SNRPD1: variants seen among roughly 807,000 people sequenced by gnomAD.
SNRPD1 encodes small nuclear ribonucleoprotein D1 polypeptide.
Under a neutral mutation model 14.4 loss-of-function variants are expected in SNRPD1, and 1 was observed. That is an observed-to-expected ratio of 0.07 (90% confidence interval 0.02 to 0.33). The LOEUF is 0.33. Among genes scored for constraint, SNRPD1 ranks in the 10% least tolerant of loss-of-function variants. SNRPD1 has a pLI of 1.00. For missense variants in SNRPD1, 52 were observed against 146.4 expected (o/e 0.36, Z 3.33); for synonymous variants, 42 against 50.3 (o/e 0.83, Z 0.70).
chr18:21,618,819 A>C (rs1469408388), intron 1 of SNRPD1, among the ~76,000 whole-genome samples: 1 of 152,228 alleles, frequency 6.6e-6, no homozygotes, highest in Non-Finnish European at 1.5e-5. Context: ...AGAAATTAAA[A>C]AAAGGCATTT....
At chr18:21,624,364 GCC>G in intron 3 of SNRPD1, among the ~76,000 whole-genome samples, 2 of 147,692 alleles carry the variant, frequency 1.4e-5, no homozygotes, top group South Asian at 2.2e-4. Context: ...GGGTGACAGA[GCC>G]ACTGTCTCAA....
In SNRPD1 at chr18:21,623,127, C is replaced by T. The variant is rs922951593; in HGVS notation, c.91+326C>T. On this transcript the variant is annotated intron_variant, in intron 2 of 3. Coordinates refer to ENST00000300413, the MANE Select transcript of SNRPD1 (RefSeq NM_006938.4). ...TTTAGACGGATTCTCACTCTGTTAC[C>T]CAGGCTGGAGTGCAGTGGCACAATC... Among the ~76,000 whole-genome samples the T allele has an allele frequency of 7.9e-5, 12 of 151,950 alleles. No homozygotes were observed. The East Asian group carries it at 2.1e-3, about 27-fold the overall frequency.
At chr18:21,614,012 C>T (rs914386224) in intron 1 of SNRPD1, among the ~76,000 whole-genome samples, 1 of 152,024 alleles carries the variant, frequency 6.6e-6, no homozygotes, top group Non-Finnish European at 1.5e-5. Flanking sequence ...GTGGCTCACG[C>T]CTGTAATCCC....
intron 3 of SNRPD1, among the ~76,000 whole-genome samples, chr18:21,627,434 GTTTT>G (rs71178190): frequency 1.6e-4 from 16 of 97,368 alleles, no homozygotes; most frequent in African/African-American, 5.9e-4. Context: ...CTTTTCTTGG[GTTTT>G]TTTTTTTTTT....
chr18:21,627,459 A>C, intron 3 of SNRPD1, among the ~76,000 whole-genome samples: 1 of 68,506 alleles, frequency 1.5e-5, no homozygotes, highest in African/African-American at 6.6e-5. Flanking sequence ...TTTTTTTTTG[A>C]GACAGAGTCA....
chr18:21,627,322 C>A (rs1188533893), intron 3 of SNRPD1, among the ~76,000 whole-genome samples: 2 of 151,828 alleles, frequency 1.3e-5, no homozygotes, highest in Non-Finnish European at 2.9e-5. Flanking sequence ...CCTATGTTGT[C>A]CAGGATAGTC....
Position 21,629,302 on chromosome 18 carries a change from G to GAGTT in SNRPD1, c.*166_*167insTTAG, listed in dbSNP as rs1042262496. On this transcript the variant is annotated 3_prime_UTR_variant, in exon 4 of 4. Transcript: ENST00000300413. Reference sequence around the variant, plus strand: ...CACATTCACGAAATTACCACAGTGAGAGCTAAGCATTTCTACTGGGCAGTT... The same window carrying GAGTT: ...CACATTCACGAAATTACCACAGTGAGAGTTAGCTAAGCATTTCTACTGGGCAGTT... The GAGTT allele has an allele frequency of 1.7e-6, 1 of 576,328 alleles. No individual in the cohort carries two copies. Among genetic ancestry groups the GAGTT allele is most frequent in the Non-Finnish European group, 3.1e-6 (1 of 319,392 alleles). The allele number at this position is 576,328 out of a possible 1,614,324, so 35.7% of individuals were successfully genotyped here. A position where few individuals can be genotyped will look rare whatever the true frequency, so the allele number is the denominator to read the frequency against.
At chr18:21,614,809 T>C (rs952910739) in intron 1 of SNRPD1, among the ~76,000 whole-genome samples, 7 of 152,192 alleles carry the variant, frequency 4.6e-5, no homozygotes, top group African/African-American at 1.7e-4. Context: ...ATTCAGACAG[T>C]GAAAGATTCA....
intron 3 of SNRPD1, among the ~76,000 whole-genome samples, chr18:21,625,316 A>AATTTTTTTTT (rs771340999): frequency 1.8e-5 from 2 of 109,098 alleles, no homozygotes; most frequent in African/African-American, 1.0e-4. Context: ...GTTGAAAAAA[A>AATTTTTTTTT]TTTTTTTTTT....
rs1385231329 is a variant in SNRPD1 at position 21,633,371 on chromosome 18, T to C, written c.*4233T>C. 1 of 152,146 alleles carries C rather than the reference T, an allele frequency of 6.6e-6. No homozygotes were observed. Among genetic ancestry groups the C allele is most frequent in the South Asian group, 2.1e-4 (1 of 4,828 alleles). The allele number at this position is 152,146 out of a possible 1,614,324, so 9.4% of individuals were successfully genotyped here. ...ACATACAGTTCTTGTTCCTGAAGAC[T>C]TAACCTAGAAAATAACTCCATAACA... On this transcript the variant is annotated 3_prime_UTR_variant, in exon 4 of 4. Coordinates refer to ENST00000300413, the MANE Select transcript of SNRPD1 (RefSeq NM_006938.4).
In SNRPD1 at chr18:21,632,821, G is replaced by GTT; in HGVS notation, c.*3690_*3691dup. 1 of 151,256 alleles carries GTT rather than the reference G, an allele frequency of 6.6e-6. No homozygotes were observed. The highest frequency in any genetic ancestry group is 1.4e-5 in the Non-Finnish European group (1 of 69,602). 9.4% of individuals were successfully genotyped at this position (151,256 alleles called of 1,614,324 possible). ...AATGAGATGTTACATATGAACTTTA[G>GTT]TTTTTTTTCTTTTCTTTTCTTTTCT... On this transcript the variant is annotated 3_prime_UTR_variant, in exon 4 of 4. Coordinates refer to ENST00000300413, the MANE Select transcript of SNRPD1 (RefSeq NM_006938.4).
rs1181169982 is a variant in SNRPD1 at position 21,629,994 on chromosome 18, C to G, written c.*856C>G. The stretch of plus-strand genomic sequence containing the variant: ...TAGGTACCTGGTAAAAAGTTGTCTT[C>G]TAAATTAAGGGTCATTGCTTTGTTG... On this transcript the variant is annotated 3_prime_UTR_variant, in exon 4 of 4. Coordinates refer to ENST00000300413, the MANE Select transcript of SNRPD1 (RefSeq NM_006938.4). 5.9e-5 allele frequency: 9 copies of G among 152,120 alleles called. No individual in the cohort carries two copies. The highest frequency in any genetic ancestry group is 1.0e-4 in the Non-Finnish European group (7 of 68,032). 9.4% of individuals were successfully genotyped at this position (152,120 alleles called of 1,614,324 possible). A position where few individuals can be genotyped will look rare whatever the true frequency, so the allele number is the denominator to read the frequency against.
At chr18:21,617,837 G>A (rs963243136) in intron 1 of SNRPD1, among the ~76,000 whole-genome samples, 1 of 152,026 alleles carries the variant, frequency 6.6e-6, no homozygotes, top group African/African-American at 2.4e-5. Context: ...AAATTAGCTG[G>A]GTGTGGTGGC....
chr18:21,620,876 T>G (rs1426026058), intron 1 of SNRPD1, among the ~76,000 whole-genome samples: 1 of 152,062 alleles, frequency 6.6e-6, no homozygotes, highest in African/African-American at 2.4e-5. Flanking sequence ...AATGAAAAGA[T>G]ATTCAGGCAG....
rs536818999 is a variant in SNRPD1, at chr18:21,625,471, C to T, written c.283+1532C>T. Among the ~76,000 whole-genome samples the T allele has an allele frequency of 1.4e-3, 208 of 151,884 alleles. 1 individual carries two copies. The highest frequency in any genetic ancestry group is 3.7e-4 in the Non-Finnish European group (25 of 67,976). Reference sequence around the variant, plus strand: ...AGCTGGGATTATAGGTGTGTGCCACCACACCCAGCTAATTTTGTATTTTTA... The same window carrying T: ...AGCTGGGATTATAGGTGTGTGCCACTACACCCAGCTAATTTTGTATTTTTA... On this transcript the variant is annotated intron_variant, in intron 3 of 3. Transcript: ENST00000300413.
intron 1 of SNRPD1, among the ~76,000 whole-genome samples, chr18:21,615,792 T>C (rs1026059249): frequency 1.3e-5 from 2 of 152,202 alleles, no homozygotes; most frequent in Non-Finnish European, 2.9e-5. Context: ...AACATAGTTA[T>C]GTGTTTAGCT....
chr18:21,619,437 C>G lies in SNRPD1; in HGVS notation c.15-3288C>G, dbSNP rs1195595384. Among the ~76,000 whole-genome samples the G allele has an allele frequency of 2.6e-5, 4 of 151,964 alleles. No individual in the cohort carries two copies. The East Asian group carries it at 7.8e-4, about 30-fold the overall frequency. On this transcript the variant is annotated intron_variant, in intron 1 of 3. Transcript: ENST00000300413. ...CCTCAGGTGATCCGCCTGCCTCGCC[C>G]TCCCAAAGTGCTGGGATTACAGGGA... is the stretch of plus-strand genomic sequence containing the variant.
chr18:21,619,380 C>G (rs2038980791), intron 1 of SNRPD1, among the ~76,000 whole-genome samples: 2 of 151,948 alleles, frequency 1.3e-5, no homozygotes, highest in Admixed American at 6.6e-5. Flanking sequence ...CGGGGTTTCG[C>G]CATGTTGGCC....
At chr18:21,619,424 C>T (rs1007907058) in intron 1 of SNRPD1, among the ~76,000 whole-genome samples, 4 of 151,326 alleles carry the variant, frequency 2.6e-5, no homozygotes, top group East Asian at 2.0e-4. Flanking sequence ...TCAGGTGATC[C>T]GCCTGCCTCG....
Sources: gnomAD v4.1 joint callset for allele counts (sites outside exome capture counted in the v4.1 genomes callset) on GRCh38, gnomAD v4.1.1 for gene constraint, MANE v1.5 for transcripts, NCBI Gene and HGNC (gene_info 2026-07-23, HGNC 2026-07-21) for gene names.